Variants in CCDC7 observed in about 807,000 individuals in gnomAD.
CCDC7 encodes coiled-coil domain-containing protein 7.
A neutral mutation model predicts 196.9 loss-of-function variants in CCDC7; 183 were observed. The observed-to-expected ratio is 0.93, with a 90% CI of 0.82 to 1.05. CCDC7 has a LOEUF of 1.05. Among genes scored for constraint, CCDC7 ranks in the 50% least tolerant of loss-of-function variants. The probability of loss-of-function intolerance (pLI) is 0.00; values close to 1 mark genes in which losing one functional copy is unlikely to be tolerated. For missense variants in CCDC7, 1,540 were observed against 1,482.2 expected, an observed-to-expected ratio of 1.04 and a Z score of -0.64; for synonymous variants, 525 against 484.6, an observed-to-expected ratio of 1.08 and a Z score of -1.10.
chr10:32,658,288 A>G (rs1429567682), intron 20 of CCDC7, among the ~76,000 whole-genome samples: 6 of 152,226 alleles, frequency 3.9e-5, no homozygotes, highest in Non-Finnish European at 2.9e-5. Flanking sequence ...GAGACTAGGT[A>G]ATTTATAGAA....
At chr10:32,757,538 T>A (rs2076669604) in intron 28 of CCDC7, among the ~76,000 whole-genome samples, 1 of 152,216 alleles carries the variant, frequency 6.6e-6, no homozygotes, top group Non-Finnish European at 1.5e-5. Context: ...GAAATAAAGA[T>A]GTTCTTTGAA....
At chr10:32,638,270 G>A (rs1270372440) in intron 20 of CCDC7, among the ~76,000 whole-genome samples, 1 of 152,142 alleles carries the variant, frequency 6.6e-6, no homozygotes, top group African/African-American at 2.4e-5. Context: ...AAACTAAGTT[G>A]AATAGGAGTC....
chr10:32,716,497 G>A (rs1301912507), intron 25 of CCDC7, among the ~76,000 whole-genome samples: 10 of 152,184 alleles, frequency 6.6e-5, no homozygotes, highest in Non-Finnish European at 1.5e-4. Flanking sequence ...CAACTAATGT[G>A]CAAAATAGCC....
intron 13 of CCDC7, among the ~76,000 whole-genome samples, chr10:32,553,862 G>A (rs750147230): frequency 1.1e-4 from 16 of 152,190 alleles, no homozygotes; most frequent in South Asian, 6.2e-4. Flanking sequence ...AGGAAGAGGC[G>A]GTGGCTGTGG....
intron 15 of CCDC7, among the ~76,000 whole-genome samples, chr10:32,569,827 G>T (rs1590019841): frequency 6.6e-6 from 1 of 152,012 alleles, no homozygotes; most frequent in African/African-American, 2.4e-5. Flanking sequence ...AAGTTCTGGG[G>T]TACATATATA....
intron 13 of CCDC7, among the ~76,000 whole-genome samples, chr10:32,554,491 T>G (rs1170453375): frequency 4.6e-5 from 7 of 152,238 alleles, no homozygotes; most frequent in Non-Finnish European, 8.8e-5. Flanking sequence ...CCAGGGCTTT[T>G]CTGCTGCTTC....
intron 30 of CCDC7, among the ~76,000 whole-genome samples, chr10:32,807,987 C>A (rs7894744): frequency 0.088 from 13,447 of 152,108 alleles, 851 homozygotes; most frequent in East Asian, 0.33. Context: ...CCACTGACAT[C>A]CCCCTGCATC....
At chr10:32,846,119 C>G (rs918315718) in intron 36 of CCDC7, among the ~76,000 whole-genome samples, 160 bp downstream of exon 37, 1 of 151,908 alleles carries the variant, frequency 6.6e-6, no homozygotes, top group Non-Finnish European at 1.5e-5. Flanking sequence ...TATCAATGCA[C>G]AATTAAAGAG....
At chr10:32,680,985 C>T (rs887386479) in intron 21 of CCDC7, among the ~76,000 whole-genome samples, 7 of 152,164 alleles carry the variant, frequency 4.6e-5, no homozygotes, top group Admixed American at 3.9e-4. Flanking sequence ...ACAATGTGTA[C>T]GCTAGTCAGT....
chr10:32,446,793 C>T (rs949031094), upstream of CCDC7, among the ~76,000 whole-genome samples: 1 of 152,022 alleles, frequency 6.6e-6, no homozygotes, highest in African/African-American at 2.4e-5. Context: ...CTTGCTAATA[C>T]GAGTATTCAT....
At chr10:32,689,796 C>G (rs1274438317) in intron 23 of CCDC7, among the ~76,000 whole-genome samples, 3 of 151,828 alleles carry the variant, frequency 2.0e-5, no homozygotes, top group African/African-American at 7.3e-5. Flanking sequence ...GTGCAGTGGC[C>G]CGATCTTGGC....
chr10:32,566,872 TATATATATATAGCTA>T (rs896222051), intron 14 of CCDC7, among the ~76,000 whole-genome samples: 7 of 147,424 alleles, frequency 4.7e-5, no homozygotes, highest in Non-Finnish European at 1.0e-4. Context: ...CCCGCAGATA[TATATATATATAGCTA>T]ATATATATAT....
chr10:32,495,472 A>G (rs1421919037), intron 9 of CCDC7, among the ~76,000 whole-genome samples: 3 of 152,158 alleles, frequency 2.0e-5, no homozygotes, highest in South Asian at 4.1e-4. Context: ...ACCCATGCCT[A>G]TGTCCTGAAT....
chr10:32,459,516 C>T (rs114760346), intron 3 of CCDC7, among the ~76,000 whole-genome samples: 6,528 of 152,152 alleles, frequency 0.043, 143 homozygotes, highest in Middle Eastern at 0.065. Flanking sequence ...GTTAAAATAC[C>T]ACACAGTTCT....
At chr10:32,725,685 G>A (rs2083019310) in intron 25 of CCDC7, among the ~76,000 whole-genome samples, 1 of 152,028 alleles carries the variant, frequency 6.6e-6, no homozygotes, top group African/African-American at 2.4e-5. Flanking sequence ...TGGAAGGGAA[G>A]GGGAACCAGC....
At chr10:32,506,295 T>C (rs970286816) in intron 9 of CCDC7, among the ~76,000 whole-genome samples, 2 of 104,850 alleles carry the variant, frequency 1.9e-5, no homozygotes, top group African/African-American at 7.5e-5. Flanking sequence ...TCCCAGACGA[T>C]GGGCGGCCAG....
rs533661226 is a variant in CCDC7 at position 32,490,443 on chromosome 10, C to T, written c.797-1479C>T. On this transcript the variant is annotated intron_variant, in intron 8 of 41. Coordinates refer to ENST00000639629, the Ensembl canonical transcript of CCDC7. ...GTTGATGTTCCTTGTAGTCCTTTAC[C>T]ATATTTAGGGCAGAATTTAAAATCG... Among the ~76,000 whole-genome samples, 34 of 152,156 alleles carry T rather than the reference C, an allele frequency of 2.2e-4. No homozygotes were observed. In the South Asian group the frequency reaches 4.4e-3, roughly 20 times the overall value.
intron 9 of CCDC7, among the ~76,000 whole-genome samples, chr10:32,494,896 T>C (rs184066450): frequency 6.6e-6 from 1 of 152,336 alleles, no homozygotes; most frequent in Admixed American, 6.5e-5. Context: ...TTATAATTCT[T>C]TGGGTATATA....
At chr10:32,729,376 C>A in exon 28 of CCDC7, 2 of 1,552,042 alleles carry the variant, frequency 1.3e-6, no homozygotes, top group Non-Finnish European at 1.8e-6. Flanking sequence ...ACTTGAACAT[C>A]TGTTGCCTGA....
Sources: allele counts gnomAD v4.1 joint callset (sites outside exome capture counted in the v4.1 genomes callset), GRCh38; gene constraint gnomAD v4.1.1; transcripts MANE v1.5; gene names NCBI Gene and HGNC (gene_info 2026-07-23, HGNC 2026-07-21).